SDR42E2: variants seen among roughly 807,000 people sequenced by gnomAD.
SDR42E2 encodes the protein short chain dehydrogenase/reductase family 42E, member 2, also known as putative short-chain dehydrogenase/reductase family 42E member 2.
Under a neutral mutation model 10.5 loss-of-function variants are expected in SDR42E2, and 20 were observed. The observed-to-expected ratio is 1.90, with a 90% CI of 1.34 to 2.77. The LOEUF (loss-of-function observed/expected upper bound fraction) is 2.77, where lower values mean the gene tolerates loss of function less well. Among genes scored for constraint, SDR42E2 ranks in the 30% most tolerant of loss-of-function variants. The pLI, the probability that SDR42E2 is intolerant of heterozygous loss-of-function variation, is 0.00. For missense variants in SDR42E2, 162 were observed against 104.2 expected, an observed-to-expected ratio of 1.55 and a Z score of -2.42; for synonymous variants, 72 against 39.2, an observed-to-expected ratio of 1.84 and a Z score of -3.12.
At chr16:22,185,916 A>C (rs150143972) in intron 11 of SDR42E2, among the ~76,000 whole-genome samples, 14 of 151,918 alleles carry the variant, frequency 9.2e-5, no homozygotes, top group South Asian at 6.3e-4. Flanking sequence ...TATTTTCAAA[A>C]ATTTTTTAGA....
At chr16:22,178,107 G>T in intron 7 of SDR42E2, 23 bp from the exon 8 acceptor site, 1 of 700,930 alleles carries the variant, frequency 1.4e-6, no homozygotes, top group South Asian at 1.5e-5. Context: ...CCTGACCCCT[G>T]ACCACGCTTC....
chr16:22,190,269 GCGGCTCCA>G lies in SDR42E2; in HGVS notation c.1150_1157del (p.Ser384AlafsTer157). 1 of 401,300 alleles carries G rather than the reference GCGGCTCCA, an allele frequency of 2.5e-6. No individual in the cohort carries two copies. Among genetic ancestry groups the G allele is most frequent in the Admixed American group, 4.4e-5 (1 of 22,732 alleles). The allele number at this position is 401,300 out of a possible 1,614,324, so 24.9% of individuals were successfully genotyped here. On this transcript the variant is annotated frameshift_variant, in exon 13 of 13. Transcript: ENST00000602312. LOFTEE classifies it low-confidence loss of function (END_TRUNC). Reference sequence around the variant, plus strand: ...GTGCAGTCCACGACCCGGCGGCCCCGCGGCTCCACGGCGCGGACCCTCCTGCGCCTGCT... The same window carrying G: ...GTGCAGTCCACGACCCGGCGGCCCCGCGGCGCGGACCCTCCTGCGCCTGCT...
chr16:22,170,752 G>A, intron 5 of SDR42E2, 81 bp from the exon 6 acceptor site: 2 of 696,254 alleles, frequency 2.9e-6, no homozygotes, highest in Admixed American at 4.0e-5. Context: ...CCGACTCTAT[G>A]CTCACTTGTG....
At chr16:22,174,042 T>C (rs1468989802) in intron 7 of SDR42E2, among the ~76,000 whole-genome samples, 1 of 150,922 alleles carries the variant, frequency 6.6e-6, no homozygotes, top group Non-Finnish European at 1.5e-5. Flanking sequence ...GCTTAAAAAT[T>C]ATAATCCTCA....
At chr16:22,164,102 A>C (rs1037811960) in intron 1 of SDR42E2, among the ~76,000 whole-genome samples, 9 of 151,964 alleles carry the variant, frequency 5.9e-5, no homozygotes, top group African/African-American at 1.7e-4. Context: ...GGTGACAGTG[A>C]CTGACAGCCT....
At chr16:22,189,313 G>A (rs893071561) in intron 12 of SDR42E2, among the ~76,000 whole-genome samples, 1 of 152,112 alleles carries the variant, frequency 6.6e-6, no homozygotes, top group African/African-American at 2.4e-5. Context: ...TCAGGTGGGA[G>A]AACATCTCCA....
chr16:22,165,429 T>C (rs2046526557), intron 1 of SDR42E2, among the ~76,000 whole-genome samples, 118 bp from the exon 2 acceptor site: 1 of 152,332 alleles, frequency 6.6e-6, no homozygotes. Flanking sequence ...GCAGGTTCCC[T>C]GGGAACTCAG....
intron 2 of SDR42E2, among the ~76,000 whole-genome samples, chr16:22,165,966 GCCAGGAGCTGGGTCTGTACCTGGA>G (rs2046533544): frequency 6.8e-6 from 1 of 146,072 alleles, no homozygotes; most frequent in African/African-American, 2.5e-5. Flanking sequence ...CCGTACCTGG[GCCAGGAGCTGGGTCTGTACCTGGA>G]CCAGGAGCTG....
At chr16:22,174,797 G>T (rs934197083) in intron 7 of SDR42E2, among the ~76,000 whole-genome samples, 1 of 152,086 alleles carries the variant, frequency 6.6e-6, no homozygotes, top group African/African-American at 2.4e-5. Flanking sequence ...CTGGCCCTCC[G>T]TGAAGTAGCT....
chr16:22,185,465 G>C (rs1488644402), intron 11 of SDR42E2, among the ~76,000 whole-genome samples: 1 of 152,170 alleles, frequency 6.6e-6, no homozygotes, highest in Non-Finnish European at 1.5e-5. Flanking sequence ...CCAGTTCCCA[G>C]TGGGCTAACA....
At chr16:22,187,560 A>T (rs192549180) in intron 12 of SDR42E2, among the ~76,000 whole-genome samples, 36 of 149,786 alleles carry the variant, frequency 2.4e-4, no homozygotes, top group Non-Finnish European at 4.1e-4. Flanking sequence ...GCACCACTGT[A>T]CTCCAGCCTA....
At chr16:22,170,750 AT>A (rs1454835558) in intron 5 of SDR42E2, 82 bp from the exon 6 acceptor site, 1 of 695,708 alleles carries the variant, frequency 1.4e-6, no homozygotes, top group Non-Finnish European at 2.6e-6. Context: ...AGCCGACTCT[AT>A]GCTCACTTGT....
chr16:22,177,695 A>G (rs1282304975), intron 7 of SDR42E2, among the ~76,000 whole-genome samples: 1 of 152,104 alleles, frequency 6.6e-6, no homozygotes, highest in Non-Finnish European at 1.5e-5. Context: ...ACCAAGAGCT[A>G]TGGGCATGAG....
chr16:22,185,907 A>G (rs115818662), intron 11 of SDR42E2, among the ~76,000 whole-genome samples: 2,753 of 151,932 alleles, frequency 0.018, 86 homozygotes, highest in African/African-American at 0.062. Context: ...ATGCCTGGCT[A>G]TTTTCAAAAA....
Position 22,165,616 on chromosome 16 carries a change from G to A in SDR42E2, c.34G>A (p.Ala12Thr), listed in dbSNP as rs1226265443. ...KSNPPRSSLE[A>T]CKAAGQAPQQ... ...CAACCCCCCACGCTCCTCCCTAGAG[G>A]CCTGCAAAGCTGCAGGCCAGGGTGA... Residue 12 changes from alanine to threonine, a missense_variant, in exon 2 of 13, where the codon GCC (alanine) becomes ACC (threonine). Coordinates refer to ENST00000602312, the MANE Select transcript of SDR42E2 (RefSeq NM_001394319.2). The A allele has an allele frequency of 2.5e-6, 1 of 401,370 alleles. No homozygotes were observed. The highest frequency in any genetic ancestry group is 4.4e-5 in the Admixed American group (1 of 22,710). The allele number at this position is 401,370 out of a possible 1,614,324, so 24.9% of individuals were successfully genotyped here.
In SDR42E2 at chr16:22,181,638, G is replaced by GGCCAAGTA. The variant is rs1567244014; in HGVS notation, c.798_799insTAGCCAAG (p.Gly267Ter). The GGCCAAGTA allele has an allele frequency of 1.4e-6, 1 of 702,928 alleles. No individual in the cohort carries two copies. The highest frequency in any genetic ancestry group is 2.6e-6 in the Non-Finnish European group (1 of 384,980). The allele number at this position is 702,928 out of a possible 1,614,324, so 43.5% of individuals were successfully genotyped here. On this transcript the variant is annotated frameshift_variant, in exon 9 of 13. Coordinates refer to ENST00000602312, the MANE Select transcript of SDR42E2 (RefSeq NM_001394319.2). LOFTEE classifies it high-confidence loss of function. ...TGCTGGCGGCCGAGGCCCTCACCAC[G>GGCCAAGTA]GCCAAGGGCTACGTGGCTGTGAGTC...
Position 22,190,372 on chromosome 16 carries a change from CG to C in SDR42E2, c.1249del (p.Ala417ProfsTer15). ...LHFLGLQPLH[A>X]AVERL is the part of the protein sequence containing the mutation. ...ACTTCCTAGGCCTGCAGCCTCTGCA[CG>C]CCGCCGTGGAGCGCCTGTGACCGTC... On this transcript the variant is annotated frameshift_variant, in exon 13 of 13. Coordinates refer to ENST00000602312, the MANE Select transcript of SDR42E2 (RefSeq NM_001394319.2). LOFTEE classifies it low-confidence loss of function (END_TRUNC). 3 of 402,562 alleles carry C rather than the reference CG, an allele frequency of 7.5e-6. No individual in the cohort carries two copies. The highest frequency in any genetic ancestry group is 1.3e-5 in the Non-Finnish European group (3 of 227,864). The allele number at this position is 402,562 out of a possible 1,614,324, so 24.9% of individuals were successfully genotyped here.
At chr16:22,171,358 A>C (rs2142064905) in intron 6 of SDR42E2, among the ~76,000 whole-genome samples, 1 of 152,042 alleles carries the variant, frequency 6.6e-6, no homozygotes, top group Non-Finnish European at 1.5e-5. Context: ...CTCCTGCCTC[A>C]GCCTCCCAAG....
rs531511249 is a variant in SDR42E2 at position 22,163,120 on chromosome 16, C to T, written c.-37+556C>T. 5.9e-5 allele frequency among the ~76,000 whole-genome samples: 9 copies of T among 152,240 alleles called. No homozygotes were observed. In the South Asian group the frequency reaches 1.9e-3, roughly 32 times the overall value. On this transcript the variant is annotated intron_variant, in intron 1 of 12. Coordinates refer to ENST00000602312, the MANE Select transcript of SDR42E2 (RefSeq NM_001394319.2). The stretch of plus-strand genomic sequence containing the variant: ...ACCACCCTGTGAGGAGCCAGAGCAG[C>T]CAGAAATATTTGGGTCCATTCGCGG...
Sources: allele counts gnomAD v4.1 joint callset (sites outside exome capture counted in the v4.1 genomes callset), GRCh38; gene constraint gnomAD v4.1.1; transcripts MANE v1.5; gene names NCBI Gene and HGNC (gene_info 2026-07-23, HGNC 2026-07-21).